ROBO1: variants seen among roughly 807,000 people sequenced by gnomAD.
ROBO1 encodes roundabout guidance receptor 1.
Under a neutral mutation model 195.9 loss-of-function variants are expected in ROBO1, and 149 were observed. That is an observed-to-expected ratio of 0.76 (90% CI 0.67 to 0.87). ROBO1 has a LOEUF of 0.87. Ranked by LOEUF, ROBO1 falls within the 40% of genes least tolerant of loss-of-function variation. The pLI is 0.00. For synonymous variants in ROBO1, 816 were observed against 733.2 expected (o/e 1.11, Z -1.82); for missense variants, 1,933 against 2,068.3 (o/e 0.93, Z 1.27).
At chr3:79,727,032 C>T (rs924523942) in intron 1 of ROBO1, among the ~76,000 whole-genome samples, 16 of 152,124 alleles carry the variant, frequency 1.1e-4, no homozygotes, top group Non-Finnish European at 2.1e-4. Context: ...CTGTAAATGA[C>T]CTGTCATTAA....
Position 79,583,311 on chromosome 3 carries a change from C to A in ROBO1, c.88+6513G>T, listed in dbSNP as rs539158589. On this transcript the variant is annotated intron_variant, in intron 2 of 30. Coordinates refer to ENST00000464233, the MANE Select transcript of ROBO1 (RefSeq NM_002941.4). The stretch of plus-strand genomic sequence containing the variant: ...GAAAAAGAATGTGAGGACAATGACT[C>A]TTACATATGCCATAATGATTAACTT... Among the ~76,000 whole-genome samples the A allele has an allele frequency of 2.0e-5, 3 of 152,044 alleles. No individual in the cohort carries two copies. In the South Asian group the frequency reaches 6.2e-4, roughly 32 times the overall value.
At chr3:79,709,497 A>G (rs1362445550) in intron 1 of ROBO1, among the ~76,000 whole-genome samples, 2 of 147,782 alleles carry the variant, frequency 1.4e-5, no homozygotes, top group Non-Finnish European at 3.0e-5. Flanking sequence ...TTAAAATATT[A>G]GACAATTATT....
chr3:78,784,556 T>C (rs2083774111), intron 4 of ROBO1, among the ~76,000 whole-genome samples: 1 of 152,074 alleles, frequency 6.6e-6, no homozygotes. Flanking sequence ...TGACAATGTA[T>C]ATAATTAATC....
rs756416616 is a variant in ROBO1 at position 78,717,866 on chromosome 3, G to A, written c.675C>T (p.Leu225=). The stretch of plus-strand genomic sequence containing the variant: ...CACTTTTACGGGTGTAAGTGATCAT[G>A]AGCTTTCCTCCTCGTATCTTAAAAA... ...DERITIRGGK[L]MITYTRKSDA... Residue 225 remains leucine, a synonymous_variant, in exon 6 of 31, where the codon CTC becomes CTT. Coordinates refer to ENST00000464233, the MANE Select transcript of ROBO1 (RefSeq NM_002941.4). 8.1e-6 allele frequency: 13 copies of A among 1,613,400 alleles called. No homozygotes were observed. The highest frequency in any genetic ancestry group is 2.2e-5 in the East Asian group (1 of 44,848).
intron 1 of ROBO1, among the ~76,000 whole-genome samples, chr3:79,713,773 A>G (rs1005064113): frequency 5.3e-5 from 8 of 152,104 alleles, no homozygotes; most frequent in Non-Finnish European, 1.2e-4. Flanking sequence ...TTTTTGTATA[A>G]GACGTAAGGA....
At chr3:79,141,659 G>C (rs780233488) in intron 2 of ROBO1, among the ~76,000 whole-genome samples, 2 of 151,322 alleles carry the variant, frequency 1.3e-5, no homozygotes, top group Non-Finnish European at 2.9e-5. Flanking sequence ...TGTAGCAATG[G>C]TTATGGCATA....
intron 2 of ROBO1, among the ~76,000 whole-genome samples, chr3:79,520,950 CA>C (rs1291881779): frequency 1.3e-5 from 2 of 152,026 alleles, no homozygotes; most frequent in African/African-American, 4.8e-5. Context: ...AATGTAGAGA[CA>C]GACAATATTT....
At chr3:78,645,503 A>G (rs936049549) in intron 21 of ROBO1, among the ~76,000 whole-genome samples, 3 of 151,332 alleles carry the variant, frequency 2.0e-5, no homozygotes, top group African/African-American at 7.3e-5. Flanking sequence ...CTCATCACAT[A>G]ACTTATACCT....
At chr3:79,766,058 C>T (rs1704968129) in intron 1 of ROBO1, among the ~76,000 whole-genome samples, 3 of 151,832 alleles carry the variant, frequency 2.0e-5, no homozygotes, top group Middle Eastern at 3.4e-3. Context: ...GGTTAAACTA[C>T]CCTGTGAAAT....
At chr3:78,951,409 T>C (rs1576457685) in intron 3 of ROBO1, among the ~76,000 whole-genome samples, 1 of 152,228 alleles carries the variant, frequency 6.6e-6, no homozygotes, top group East Asian at 1.9e-4. Flanking sequence ...TTTGTACATA[T>C]TTTATGTAAT....
At chr3:78,639,721 C>A in intron 22 of ROBO1, 23 bp downstream of exon 22, 1 of 1,601,620 alleles carries the variant, frequency 6.2e-7, no homozygotes, top group Non-Finnish European at 8.5e-7. Context: ...TTATACATAT[C>A]AGGCTCTCTC....
chr3:78,938,199 G>A (rs2039923552), intron 4 of ROBO1: 1 of 168,072 alleles, frequency 5.9e-6, no homozygotes, highest in African/African-American at 2.4e-5. Context: ...ACACCCAATG[G>A]ACATGGTGCA....
intron 2 of ROBO1, among the ~76,000 whole-genome samples, chr3:79,541,619 G>A (rs1388327416): frequency 6.6e-6 from 1 of 151,900 alleles, no homozygotes; most frequent in East Asian, 1.9e-4. Context: ...ATAATATTTT[G>A]TTAAAATCTG....
chr3:79,455,158 A>G (rs1453443305), intron 2 of ROBO1, among the ~76,000 whole-genome samples: 2 of 152,082 alleles, frequency 1.3e-5, no homozygotes, highest in Non-Finnish European at 2.9e-5. Flanking sequence ...TGCACACAGA[A>G]GACTCTTGTA....
intron 5 of ROBO1, among the ~76,000 whole-genome samples, chr3:78,742,944 T>G (rs1032764760): frequency 1.3e-5 from 2 of 152,254 alleles, no homozygotes; most frequent in East Asian, 1.9e-4. Context: ...TATTTTGGCA[T>G]AAGCAATAAA....
intron 3 of ROBO1, among the ~76,000 whole-genome samples, chr3:78,965,245 C>G (rs1453956547): frequency 6.6e-6 from 1 of 152,092 alleles, no homozygotes; most frequent in Non-Finnish European, 1.5e-5. Flanking sequence ...ACATTCAATA[C>G]ATTTAGGAAA....
intron 1 of ROBO1, among the ~76,000 whole-genome samples, chr3:79,629,605 A>C (rs1306885600): frequency 1.3e-5 from 2 of 152,158 alleles, no homozygotes; most frequent in Non-Finnish European, 2.9e-5. Flanking sequence ...GAACTAAACC[A>C]ACCCAAAGCT....
chr3:79,068,734 C>T (rs1030447446), intron 3 of ROBO1, among the ~76,000 whole-genome samples: 1 of 151,672 alleles, frequency 6.6e-6, no homozygotes, highest in Non-Finnish European at 1.5e-5. Flanking sequence ...ATAGTCCCCA[C>T]TTAAAAAAAA....
Position 78,691,466 on chromosome 3 carries a change from T to A in ROBO1, c.1046-2694A>T, listed in dbSNP as rs116114955. Reference sequence around the variant, plus strand: ...TTAAAAAAATTCATTTTAAGGACTGTTTAATAAACAAGCAAATTACCTTTA... The same window carrying A: ...TTAAAAAAATTCATTTTAAGGACTGATTAATAAACAAGCAAATTACCTTTA... On this transcript the variant is annotated intron_variant, in intron 8 of 30. Transcript: ENST00000464233. Among the ~76,000 whole-genome samples, 1,296 of 152,218 alleles carry A rather than the reference T, an allele frequency of 8.5e-3. 18 individuals carry two copies. Among genetic ancestry groups the A allele is most frequent in the African/African-American group, 0.028 (1,162 of 41,524 alleles).
Sources: gnomAD v4.1 joint callset for allele counts (sites outside exome capture counted in the v4.1 genomes callset) on GRCh38, gnomAD v4.1.1 for gene constraint, MANE v1.5 for transcripts, NCBI Gene and HGNC (gene_info 2026-07-23, HGNC 2026-07-21) for gene names.